Variants in HSPA12A observed in about 807,000 individuals in gnomAD.
The protein encoded by HSPA12A is heat shock 70 kDa protein 12A.
Under a neutral mutation model 69.2 loss-of-function variants are expected in HSPA12A, and 28 were observed. That is an observed-to-expected ratio of 0.40 (90% confidence interval 0.30 to 0.55). HSPA12A has a LOEUF of 0.55. Ranked by LOEUF, HSPA12A falls within the 20% of genes least tolerant of loss-of-function variation. HSPA12A has a pLI of 0.38. For missense variants in HSPA12A, 686 were observed against 900.7 expected, an observed-to-expected ratio of 0.76 and a Z score of 3.05; for synonymous variants, 345 against 370.5, an observed-to-expected ratio of 0.93 and a Z score of 0.79.
chr10:116,730,924 T>C (rs1368506578), intron 1 of HSPA12A, among the ~76,000 whole-genome samples: 1 of 152,214 alleles, frequency 6.6e-6, no homozygotes, highest in Non-Finnish European at 1.5e-5. Flanking sequence ...CCAACATGGT[T>C]CCCACCCTCC....
At chr10:116,695,840 AG>A (rs67892375) in intron 5 of HSPA12A, among the ~76,000 whole-genome samples, 74,620 of 145,088 alleles carry the variant, frequency 0.51, 19,574 homozygotes, top group Middle Eastern at 0.63. Flanking sequence ...CAAAGAAAAA[AG>A]AAAAAACAAA....
intron 2 of HSPA12A, among the ~76,000 whole-genome samples, chr10:116,821,662 T>TGTGAA (rs1185714273): frequency 4.6e-5 from 7 of 152,178 alleles, no homozygotes; most frequent in African/African-American, 1.7e-4. Context: ...ATATGATAGA[T>TGTGAA]GTGAAATCAT....
chr10:116,683,630 G>T, intron 7 of HSPA12A, 161 bp downstream of exon 7: 1 of 569,548 alleles, frequency 1.8e-6, no homozygotes, highest in Non-Finnish European at 2.7e-6. Flanking sequence ...GAGGGGCCAG[G>T]TAGGGGGGCT....
intron 2 of HSPA12A, among the ~76,000 whole-genome samples, chr10:116,782,424 G>A (rs1016335524): frequency 2.6e-5 from 4 of 152,168 alleles, no homozygotes; most frequent in Non-Finnish European, 4.4e-5. Context: ...AGCGCTTTTT[G>A]TAACAACCAA....
At chr10:116,786,118 A>G (rs1207855152) in intron 2 of HSPA12A, among the ~76,000 whole-genome samples, 1 of 152,208 alleles carries the variant, frequency 6.6e-6, no homozygotes, top group Non-Finnish European at 1.5e-5. Flanking sequence ...CCTCTCGGGT[A>G]ATTACGCAGG....
chr10:116,725,771 G>A (rs1267029043), intron 1 of HSPA12A, among the ~76,000 whole-genome samples: 4 of 152,034 alleles, frequency 2.6e-5, no homozygotes, highest in Non-Finnish European at 5.9e-5. Context: ...CTGTGTTTAT[G>A]TTTTGCAGTT....
chr10:116,753,047 A>T (rs1554888485), intron 2 of HSPA12A, among the ~76,000 whole-genome samples: 1 of 152,250 alleles, frequency 6.6e-6, no homozygotes, highest in Admixed American at 6.5e-5. Flanking sequence ...CACAAAAAAT[A>T]AAAGTCCTCA....
intron 2 of HSPA12A, among the ~76,000 whole-genome samples, chr10:116,756,618 T>C (rs782105651): frequency 3.4e-4 from 52 of 152,236 alleles, no homozygotes; most frequent in Non-Finnish European, 6.9e-4. Flanking sequence ...CCTCTCAGCC[T>C]GTTCTGAATC....
chr10:116,674,910 G>A lies in HSPA12A; in HGVS notation c.1899C>T (p.Gly633=). The A allele has an allele frequency of 2.5e-6, 4 of 1,614,178 alleles. No homozygotes were observed. The highest frequency in any genetic ancestry group is 2.5e-6 in the Non-Finnish European group (3 of 1,180,042). Residue 633 remains glycine (G), a synonymous_variant, in exon 12 of 12, where the codon GGC becomes GGT. Coordinates refer to ENST00000369209, the MANE Select transcript of HSPA12A (RefSeq NM_025015.3). ...TCTCCCTCCGGGCGGGCACCGCAGT[G>A]CCACTGGTCCCTGTGAGATCCAGGC... ...TLRLDLTGTS[G]TAVPARREIQ...
intron 2 of HSPA12A, among the ~76,000 whole-genome samples, chr10:116,820,507 T>C (rs1016142814): frequency 1.3e-5 from 2 of 152,042 alleles, no homozygotes; most frequent in Non-Finnish European, 1.5e-5. Context: ...TCAGCCCTCA[T>C]CAGACGTGGC....
intron 1 of HSPA12A, among the ~76,000 whole-genome samples, chr10:116,724,827 C>T (rs181171308): frequency 1.3e-5 from 2 of 152,282 alleles, no homozygotes; most frequent in Middle Eastern, 3.4e-3. Flanking sequence ...TAGCCCTGGT[C>T]CTGCCCCAGG....
At chr10:116,802,460 G>C (rs1844977833) in intron 2 of HSPA12A, among the ~76,000 whole-genome samples, 4 of 152,236 alleles carry the variant, frequency 2.6e-5, no homozygotes, top group Admixed American at 2.6e-4. Flanking sequence ...GGGAACACTT[G>C]AGAGGATGCA....
intron 2 of HSPA12A, among the ~76,000 whole-genome samples, chr10:116,814,157 G>T (rs1355412001): frequency 6.6e-6 from 1 of 152,172 alleles, no homozygotes; most frequent in African/African-American, 2.4e-5. Flanking sequence ...GAAAATTCTA[G>T]AACTGAAAAC....
Position 116,679,728 on chromosome 10 carries a change from T to C in HSPA12A, c.1061A>G (p.Glu354Gly). ...GPYGSLGVDY[E>G]FEKLLYKIFG... ...TATTTTATACAGAAGTTTTTCGAAC[T>C]CATAATCTACTCCTAAAGATCCATA... The change falls in exon 10 of 12, where the codon GAG becomes GGG. Residue 354 changes from glutamate to glycine, a missense_variant. By Grantham distance (98) the Glu-to-Gly change is moderately conservative. Coordinates refer to ENST00000369209, the MANE Select transcript of HSPA12A (RefSeq NM_025015.3). 1 of 1,614,166 alleles carries C rather than the reference T, an allele frequency of 6.2e-7. No individual in the cohort carries two copies. The highest frequency in any genetic ancestry group is 8.5e-7 in the Non-Finnish European group (1 of 1,180,014).
intron 2 of HSPA12A, among the ~76,000 whole-genome samples, chr10:116,771,579 C>T (rs1373511861): frequency 6.6e-6 from 1 of 152,214 alleles, no homozygotes; most frequent in Non-Finnish European, 1.5e-5. Flanking sequence ...AGGATGTTTC[C>T]GGAATGAATA....
intron 2 of HSPA12A, among the ~76,000 whole-genome samples, chr10:116,796,902 T>C (rs1055716634): frequency 1.7e-4 from 26 of 152,342 alleles, no homozygotes; most frequent in Admixed American, 1.7e-3. Flanking sequence ...ACCCTCACTA[T>C]ATCATTTTTC....
At chr10:116,821,252 A>G (rs964360133) in intron 2 of HSPA12A, among the ~76,000 whole-genome samples, 2 of 152,158 alleles carry the variant, frequency 1.3e-5, no homozygotes, top group African/African-American at 4.8e-5. Flanking sequence ...GCCAGGCCCT[A>G]TAAGGCCCTA....
intron 2 of HSPA12A, among the ~76,000 whole-genome samples, chr10:116,813,443 T>G (rs1049925295): frequency 1.2e-4 from 18 of 151,950 alleles, no homozygotes; most frequent in African/African-American, 4.3e-4. Flanking sequence ...GAGACAGGGT[T>G]TCACCGTGTT....
At position 116,698,686 on chromosome 10, in the gene HSPA12A, G is replaced by A. The variant is rs782739986; in HGVS notation, c.495C>T (p.Ala165=). 2 of 1,613,996 alleles carry A rather than the reference G, an allele frequency of 1.2e-6. No homozygotes were observed. Among genetic ancestry groups the A allele is most frequent in the South Asian group, 1.1e-5 (1 of 91,080 alleles). Reference sequence around the variant, plus strand: ...GCAGGGCATAAGCAAAGATTTCAAGGGCTTTGACTTTCTTGCCATTTGCTG... The same window carrying A: ...GCAGGGCATAAGCAAAGATTTCAAGAGCTTTGACTTTCTTGCCATTTGCTG... ...LTAANGKKVK[A]LEIFAYALQY... Residue 165 remains alanine (A), a synonymous_variant, in exon 5 of 12, where the codon GCC becomes GCT. Coordinates refer to ENST00000369209, the MANE Select transcript of HSPA12A (RefSeq NM_025015.3).
Sources: gnomAD v4.1 joint callset for allele counts (sites outside exome capture counted in the v4.1 genomes callset) on GRCh38, gnomAD v4.1.1 for gene constraint, MANE v1.5 for transcripts, NCBI Gene and HGNC (gene_info 2026-07-23, HGNC 2026-07-21) for gene names.